The following INA variants were observed in gnomAD, a reference collection of about 807,000 sequenced individuals.
The protein encoded by INA is alpha-internexin.
INA carries 35 observed loss-of-function variants against 40.1 expected under a neutral mutation model. That is an observed-to-expected ratio of 0.87 (90% CI 0.67 to 1.16). INA has a LOEUF of 1.16. Ranked by LOEUF, INA falls within the 50% of genes most tolerant of loss-of-function variation. The pLI is 0.00. For synonymous variants in INA, 290 were observed against 316.9 expected (o/e 0.92, Z 0.90); for missense variants, 594 against 686.7 (o/e 0.87, Z 1.51).
In INA at chr10:103,277,554, C is replaced by G. The variant is rs747902801; in HGVS notation, c.343C>G (p.Leu115Val). Residue 115 changes from leucine to valine, a missense_variant, in exon 1 of 3, where the codon CTG becomes GTG. Coordinates refer to ENST00000369849, the MANE Select transcript of INA (RefSeq NM_032727.4). This position sits in a 1 kb window ranked among gnomAD's most constrained non-coding sequence, Gnocchi z 5.6. Reference protein sequence around the residue: ...FAVFIEKVHQLETQNRALEAE... With the variant: ...FAVFIEKVHQVETQNRALEAE... ...CGTGTTCATCGAGAAGGTGCATCAG[C>G]TGGAGACGCAGAACCGCGCGTTGGA... is the stretch of plus-strand genomic sequence containing the variant. 1.3e-6 allele frequency: 2 copies of G among 1,581,746 alleles called. No individual in the cohort carries two copies. Among genetic ancestry groups the G allele is most frequent in the Admixed American group, 3.5e-5 (2 of 57,422 alleles).
chr10:103,284,193 C>T (rs2093079677), intron 1 of INA, among the ~76,000 whole-genome samples: 1 of 151,918 alleles, frequency 6.6e-6, no homozygotes, highest in Admixed American at 6.6e-5. Context: ...CTTCAACCTC[C>T]GCCTACCGGG....
At position 103,277,525 on chromosome 10, in the gene INA, T is replaced by C; in HGVS notation, c.314T>C (p.Phe105Ser). The change falls in exon 1 of 3, where the codon TTC (phenylalanine) becomes TCC (serine). Residue 105 changes from phenylalanine (F) to serine (S), a missense_variant. Phe to Ser is a radical substitution (Grantham distance 155). This residue lies in a region of INA where 215 missense variants were observed against 190.6 expected (regional missense o/e 1.13). Coordinates refer to ENST00000369849, the MANE Select transcript of INA (RefSeq NM_032727.4). This position sits in a 1 kb window ranked among gnomAD's most constrained non-coding sequence, Gnocchi z 5.6. Reference protein sequence around the residue: ...KEQLQGLNDRFAVFIEKVHQL... With the variant: ...KEQLQGLNDRSAVFIEKVHQL... ...CAGCTGCAGGGCCTCAACGACCGCT[T>C]CGCCGTGTTCATCGAGAAGGTGCAT... 1 of 1,585,754 alleles carries C rather than the reference T, an allele frequency of 6.3e-7. No homozygotes were observed. The highest frequency in any genetic ancestry group is 8.5e-7 in the Non-Finnish European group (1 of 1,169,808).
chr10:103,286,913 G>A lies in INA; in HGVS notation c.1066-122G>A, dbSNP rs1423460917. ...GACTCAGGGACAGACCTGGATATAA[G>A]CAAGTTATAAGTTCATTAGATGATT... On this transcript the variant is annotated intron_variant, in intron 1 of 2. Coordinates refer to ENST00000369849, the MANE Select transcript of INA (RefSeq NM_032727.4). 25 of 1,005,028 alleles carry A rather than the reference G, an allele frequency of 2.5e-5. No homozygotes were observed. In the East Asian group the frequency reaches 6.0e-4, roughly 24 times the overall value. 62.3% of individuals were successfully genotyped at this position (1,005,028 alleles called of 1,614,324 possible). A position where few individuals can be genotyped will look rare whatever the true frequency, so the allele number is the denominator to read the frequency against.
intron 1 of INA, chr10:103,281,003 A>T (rs1262739120): frequency 1.1e-5 from 9 of 847,600 alleles, no homozygotes; most frequent in Non-Finnish European, 1.3e-5. Context: ...AATGATCAAG[A>T]TCACCGCAGG....
intron 1 of INA, chr10:103,280,909 A>G: frequency 3.0e-6 from 3 of 985,412 alleles, no homozygotes; most frequent in Non-Finnish European, 3.6e-6. Context: ...ATGTCCAAAG[A>G]CATTCTTGGA....
rs1554858925 is a variant in INA, at chr10:103,278,903, G to GCGCACACACACACACACACA, written c.1065+628_1065+629insGCACACACACACACACACAC. Among the ~76,000 whole-genome samples, 12 of 136,792 alleles carry GCGCACACACACACACACACA rather than the reference G, an allele frequency of 8.8e-5. No individual in the cohort carries two copies. The highest frequency in any genetic ancestry group is 3.0e-4 in the African/African-American group (11 of 36,612). 89.7% of individuals were successfully genotyped at this position (136,792 alleles called of 152,430 possible). ...ACACACACGATTCCCTTGTCCACCAGCACACACACACACACACACACACAC... is the reference window on the plus strand; with the variant it reads ...ACACACACGATTCCCTTGTCCACCAGCGCACACACACACACACACACACACACACACACACACACACACAC... On this transcript the variant is annotated intron_variant, in intron 1 of 2. Coordinates refer to ENST00000369849, the MANE Select transcript of INA (RefSeq NM_032727.4). The surrounding 1 kb of genome is among the most constrained non-coding windows in gnomAD (Gnocchi z 4.9).
intron 1 of INA, chr10:103,279,935 C>A: frequency 7.8e-7 from 1 of 1,288,946 alleles, no homozygotes; most frequent in Non-Finnish European, 1.0e-6. Flanking sequence ...TCATTTTTTT[C>A]TTCTAGAAGC....
At position 103,278,396 on chromosome 10, in the gene INA, C is replaced by A. The variant is rs190772485; in HGVS notation, c.1065+120C>A. 9 of 818,118 alleles carry A rather than the reference C, an allele frequency of 1.1e-5. No homozygotes were observed. Among genetic ancestry groups the A allele is most frequent in the Admixed American group, 3.0e-5 (1 of 33,536 alleles). 50.7% of individuals were successfully genotyped at this position (818,118 alleles called of 1,614,324 possible). A position where few individuals can be genotyped will look rare whatever the true frequency, so the allele number is the denominator to read the frequency against. On this transcript the variant is annotated intron_variant, in intron 1 of 2. Coordinates refer to ENST00000369849, the MANE Select transcript of INA (RefSeq NM_032727.4). The surrounding 1 kb of genome is among the most constrained non-coding windows in gnomAD (Gnocchi z 4.9). Reference sequence around the variant, plus strand: ...AGGGCAAAAGAGAGGAGAGAAGAGCCGCGGCTGGAGGCGCTGGTTAACAAA... The same window carrying A: ...AGGGCAAAAGAGAGGAGAGAAGAGCAGCGGCTGGAGGCGCTGGTTAACAAA...
At chr10:103,280,476 C>T in intron 1 of INA, 11 of 985,468 alleles carry the variant, frequency 1.1e-5, no homozygotes, top group Non-Finnish European at 1.3e-5. Flanking sequence ...CTTGCCCTCT[C>T]ATCTCATCCC....
chr10:103,290,276 G>A lies in INA; in HGVS notation c.*1607G>A, dbSNP rs373328925. 3 of 152,316 alleles carry A rather than the reference G, an allele frequency of 2.0e-5. No individual in the cohort carries two copies. The highest frequency in any genetic ancestry group is 6.5e-5 in the Admixed American group (1 of 15,286). 9.4% of individuals were successfully genotyped at this position (152,316 alleles called of 1,614,324 possible). On this transcript the variant is annotated 3_prime_UTR_variant, in exon 3 of 3. Transcript: ENST00000369849. ...TTTTCCTTACCTTTACCCCATCCCT[G>A]TCTTTACTCCTCACACTTACTGTAA... is the stretch of plus-strand genomic sequence containing the variant.
In INA at chr10:103,289,948, G is replaced by A. The variant is rs1193897968; in HGVS notation, c.*1279G>A. 2 of 152,648 alleles carry A rather than the reference G, an allele frequency of 1.3e-5. No homozygotes were observed. The highest frequency in any genetic ancestry group is 2.9e-5 in the Non-Finnish European group (2 of 68,066). The allele number at this position is 152,648 out of a possible 1,614,324, so 9.5% of individuals were successfully genotyped here. A position where few individuals can be genotyped will look rare whatever the true frequency, so the allele number is the denominator to read the frequency against. Reference sequence around the variant, plus strand: ...CAGTTGGTGGGGTCCTGCCGGAGAGGAAGAGACACTCAGACCAGAGAAGGG... The same window carrying A: ...CAGTTGGTGGGGTCCTGCCGGAGAGAAAGAGACACTCAGACCAGAGAAGGG... On this transcript the variant is annotated 3_prime_UTR_variant, in exon 3 of 3. Transcript: ENST00000369849.
At chr10:103,280,628 T>G (rs1425569223) in intron 1 of INA, 1 of 985,342 alleles carries the variant, frequency 1.0e-6, no homozygotes, top group East Asian at 1.1e-4. Flanking sequence ...CTGCCCCAGA[T>G]AGCTGATAGC....
At position 103,277,486 on chromosome 10, in the gene INA, C is replaced by T; in HGVS notation, c.275C>T (p.Thr92Ile). 6.3e-7 allele frequency: 1 copy of T among 1,589,320 alleles called. No homozygotes were observed. Among genetic ancestry groups the T allele is most frequent in the African/African-American group, 1.4e-5 (1 of 72,264 alleles). The change falls in exon 1 of 3, where the codon ACC (threonine) becomes ATC (isoleucine). Residue 92 changes from threonine (T) to isoleucine (I), a missense_variant. Thr to Ile is a moderately conservative substitution (Grantham distance 89). Transcript: ENST00000369849. The surrounding 1 kb of genome is among the most constrained non-coding windows in gnomAD (Gnocchi z 5.6). ...ACCAACGAGTACAAGATCATCCGCA[C>T]CAACGAGAAGGAGCAGCTGCAGGGC... is the stretch of plus-strand genomic sequence containing the variant. ...ARTNEYKIIRTNEKEQLQGLN... is the reference protein window; with the variant it reads ...ARTNEYKIIRINEKEQLQGLN...
intron 2 of INA, among the ~76,000 whole-genome samples, 182 bp from the exon 3 acceptor site, chr10:103,288,178 G>A (rs976432797): frequency 1.1e-4 from 17 of 152,098 alleles, no homozygotes; most frequent in African/African-American, 1.7e-4. Context: ...GTGTGTGTGC[G>A]CATGCGTATG....
chr10:103,287,731 TAAAAA>T (rs942151006), intron 2 of INA, among the ~76,000 whole-genome samples: 1 of 77,980 alleles, frequency 1.3e-5, no homozygotes, highest in Non-Finnish European at 2.6e-5. Flanking sequence ...AGACTCTGTC[TAAAAA>T]AAAAAAAAAA....
At chr10:103,279,694 T>G (rs780335698) in intron 1 of INA, among the ~76,000 whole-genome samples, 3 of 152,226 alleles carry the variant, frequency 2.0e-5, no homozygotes, top group Non-Finnish European at 2.9e-5. Context: ...AAGTAACATT[T>G]TAATCAGAAG....
chr10:103,279,002 G>T (rs1055611678), intron 1 of INA, among the ~76,000 whole-genome samples: 1 of 151,970 alleles, frequency 6.6e-6, no homozygotes, highest in African/African-American at 2.4e-5. Context: ...AAACGTGAAA[G>T]GTCGGGGCGC....
chr10:103,277,971 G>C lies in INA; in HGVS notation c.760G>C (p.Val254Leu). The change falls in exon 1 of 3, where the codon GTG becomes CTG. Residue 254 changes from valine to leucine, a missense_variant. Transcript: ENST00000369849. This position sits in a 1 kb window ranked among gnomAD's most constrained non-coding sequence, Gnocchi z 5.6. ...ASSQAAAEVDVTVAKPDLTSA... is the reference protein window; with the variant it reads ...ASSQAAAEVDLTVAKPDLTSA... ...GTCGCAGGCCGCGGCCGAGGTGGAC[G>C]TGACTGTGGCTAAACCAGACCTGAC... 1.9e-6 allele frequency: 3 copies of C among 1,577,384 alleles called. No homozygotes were observed. Among genetic ancestry groups the C allele is most frequent in the Middle Eastern group, 1.7e-4 (1 of 6,018 alleles).
intron 1 of INA, among the ~76,000 whole-genome samples, chr10:103,286,826 G>T (rs965476600): frequency 6.6e-6 from 1 of 152,050 alleles, no homozygotes; most frequent in African/African-American, 2.4e-5. Context: ...ATCTCCTGGG[G>T]ACCTTTATGA....
Sources: allele counts gnomAD v4.1 joint callset (sites outside exome capture counted in the v4.1 genomes callset), GRCh38; gene constraint gnomAD v4.1.1; regional missense constraint gnomAD v4.1.1; non-coding constraint Gnocchi (gnomAD v3.1); transcripts MANE v1.5; gene names NCBI Gene and HGNC (gene_info 2026-07-23, HGNC 2026-07-21).